GPANK1: variants seen among roughly 807,000 people sequenced by gnomAD.
GPANK1 encodes the protein G-patch domain and ankyrin repeats 1.
GPANK1 carries 22 observed loss-of-function variants against 24.0 expected under a neutral mutation model. The observed-to-expected ratio is 0.92, with a 90% CI of 0.66 to 1.31. The LOEUF is 1.31. Among genes scored for constraint, GPANK1 ranks in the 50% most tolerant of loss-of-function variants. The pLI is 0.00. For synonymous variants in GPANK1, 174 were observed against 177.4 expected (o/e 0.98, Z 0.15); for missense variants, 469 against 453.5 (o/e 1.03, Z -0.31).
upstream of GPANK1, chr6:31,665,633 G>A (rs948222034): frequency 3.1e-6 from 3 of 982,150 alleles, no homozygotes; most frequent in Non-Finnish European, 4.7e-6. Context: ...GGTCTCTGGC[G>A]GGACTGATTC....
intron 2 of GPANK1, among the ~76,000 whole-genome samples, chr6:31,663,569 T>C (rs1172355577): frequency 6.6e-6 from 1 of 152,242 alleles, no homozygotes; most frequent in Non-Finnish European, 1.5e-5. Context: ...TCTAGCATTT[T>C]ACATATATTA....
In GPANK1 at chr6:31,661,814, T is replaced by G; in HGVS notation, c.*452A>C. The G allele has an allele frequency of 5.9e-6, 1 of 168,132 alleles. No individual in the cohort carries two copies. The highest frequency in any genetic ancestry group is 1.2e-5 in the Non-Finnish European group (1 of 80,190). 10.4% of individuals were successfully genotyped at this position (168,132 alleles called of 1,614,324 possible). On this transcript the variant is annotated 3_prime_UTR_variant, in exon 3 of 3. Coordinates refer to ENST00000375896, the MANE Select transcript of GPANK1 (RefSeq NM_033177.4). ...TTGGCACATAGTATATGGACTTATG[T>G]TTGTGAAATCAGTGAATTGGCTGTA...
chr6:31,664,324 C>G lies in GPANK1; in HGVS notation c.155G>C (p.Ser52Thr). ...AFYEALIGDE[S>T]SAPDSQRSQT... ...AGATCTCTGGGAGTCAGGAGCGCTG[C>G]TCTCATCCCCAATCAGGGCCTCATA... Residue 52 changes from serine (S) to threonine (T), a missense_variant, in exon 2 of 3, where the codon AGC becomes ACC. By Grantham distance (58) the Ser-to-Thr change is moderately conservative (BLOSUM62 1). Transcript: ENST00000375896. The G allele has an allele frequency of 6.2e-7, 1 of 1,614,206 alleles. No homozygotes were observed. Among genetic ancestry groups the G allele is most frequent in the South Asian group, 1.1e-5 (1 of 91,088 alleles).
upstream of GPANK1, chr6:31,666,089 TC>T: frequency 1.1e-6 from 1 of 948,254 alleles, no homozygotes; most frequent in Non-Finnish European, 1.2e-6. Context: ...TAATTTCCAC[TC>T]CCCCCACCCC....
rs1361647647 is a variant in GPANK1, at chr6:31,664,274, T to C, written c.205A>G (p.Lys69Glu). 1 of 1,613,992 alleles carries C rather than the reference T, an allele frequency of 6.2e-7. No homozygotes were observed. Among genetic ancestry groups the C allele is most frequent in the Non-Finnish European group, 8.5e-7 (1 of 1,179,946 alleles). ...TTCATTATTCTTCTTTTCTTTCTCT[T>C]TCTTTCTCTGGCAGGTTCAGTCTGA... Reference protein sequence around the residue: ...RSQTEPARERKRKKRRIMKAP... With the variant: ...RSQTEPARERERKKRRIMKAP... Residue 69 changes from lysine to glutamate, a missense_variant, in exon 2 of 3, where the codon AAG becomes GAG. Lys to Glu is a moderately conservative substitution (Grantham distance 56). Transcript: ENST00000375896.
At chr6:31,665,917 G>A, upstream of GPANK1, 2 of 1,076,894 alleles carry the variant, frequency 1.9e-6, no homozygotes, top group East Asian at 6.6e-5. Context: ...GCCCTCCTCC[G>A]GGCCTTCGTG....
rs183171137 is a variant in GPANK1 at position 31,662,000 on chromosome 6, G to A, written c.*266C>T. 3.1e-3 allele frequency: 1,224 copies of A among 390,294 alleles called. 12 individuals carry two copies. The highest frequency in any genetic ancestry group is 3.2e-3 in the Middle Eastern group (5 of 1,546). The allele number at this position is 390,294 out of a possible 1,614,324, so 24.2% of individuals were successfully genotyped here. A position where few individuals can be genotyped will look rare whatever the true frequency, so the allele number is the denominator to read the frequency against. On this transcript the variant is annotated 3_prime_UTR_variant, in exon 3 of 3. Transcript: ENST00000375896. ...TGACCTTATCATGCCACCTGGAGAGGCTGCCCCTTCTGACTCAGGTGGGAC... is the reference window on the plus strand; with the variant it reads ...TGACCTTATCATGCCACCTGGAGAGACTGCCCCTTCTGACTCAGGTGGGAC...
upstream of GPANK1, chr6:31,666,192 TGGTCCCC>T: frequency 1.0e-6 from 1 of 992,652 alleles, no homozygotes; most frequent in Non-Finnish European, 1.2e-6. Flanking sequence ...ACCCCAGTCC[TGGTCCCC>T]GTCCAGCCGG....
At chr6:31,664,599 G>A (rs960599916) in intron 1 of GPANK1, 22 bp from the exon 2 acceptor site, 3 of 718,556 alleles carry the variant, frequency 4.2e-6, no homozygotes, top group Non-Finnish European at 6.9e-6. Flanking sequence ...AGAAAAAGTA[G>A]TCAAAAACAC....
chr6:31,666,256 G>A, upstream of GPANK1: 1 of 917,424 alleles, frequency 1.1e-6, no homozygotes, highest in Non-Finnish European at 1.3e-6. Context: ...GCTGGGAGCG[G>A]CACATGGGGT....
Position 31,662,586 on chromosome 6 carries a change from G to A in GPANK1, c.751C>T (p.Leu251Phe). 6.2e-7 allele frequency: 1 copy of A among 1,612,968 alleles called. No individual in the cohort carries two copies. The highest frequency in any genetic ancestry group is 8.5e-7 in the Non-Finnish European group (1 of 1,179,938). Residue 251 changes from leucine (L) to phenylalanine (F), a missense_variant, in exon 3 of 3, where the codon CTT becomes TTT. Coordinates refer to ENST00000375896, the MANE Select transcript of GPANK1 (RefSeq NM_033177.4). The surrounding 1 kb of genome is among the most constrained non-coding windows in gnomAD (Gnocchi z 5.5). ...SQGPQPPNLP[L>F]GVPISSPGFK... is the part of the protein sequence containing the mutation. Reference sequence around the variant, plus strand: ...CCCGGGCTGGAGATGGGCACCCCAAGTGGAAGGTTGGGAGGCTGAGGACCC... The same window carrying A: ...CCCGGGCTGGAGATGGGCACCCCAAATGGAAGGTTGGGAGGCTGAGGACCC...
At chr6:31,665,424 G>A (rs1194696513), upstream of GPANK1, 1 of 1,559,096 alleles carries the variant, frequency 6.4e-7, no homozygotes. Flanking sequence ...GGGTTCGAAG[G>A]TCACACTTAG....
chr6:31,664,665 G>A (rs1321407275), intron 1 of GPANK1, 88 bp from the exon 2 acceptor site: 1 of 585,498 alleles, frequency 1.7e-6, no homozygotes, highest in Non-Finnish European at 3.0e-6. Flanking sequence ...CTAAGGGAGA[G>A]AGACTTTGCG....
chr6:31,665,582 T>G (rs924049588), upstream of GPANK1: 8 of 1,027,918 alleles, frequency 7.8e-6, no homozygotes, highest in African/African-American at 6.9e-5. Flanking sequence ...ACCTCTCCCC[T>G]CATGAGGCAG....
rs748118791 is a variant in GPANK1 at position 31,664,493 on chromosome 6, C to G, written c.-15G>C. 6.3e-6 allele frequency: 10 copies of G among 1,592,014 alleles called. No individual in the cohort carries two copies. The highest frequency in any genetic ancestry group is 1.1e-5 in the South Asian group (1 of 89,462). Reference sequence around the variant, plus strand: ...GGCCGGGACATGGCTTTTGGGAGAACTGAGAAAATGATACCAGGCAAGGGA... The same window carrying G: ...GGCCGGGACATGGCTTTTGGGAGAAGTGAGAAAATGATACCAGGCAAGGGA... On this transcript the variant is annotated 5_prime_UTR_variant, in exon 2 of 3. Transcript: ENST00000375896.
At chr6:31,665,344 A>G, upstream of GPANK1, 1 of 1,118,892 alleles carries the variant, frequency 8.9e-7, no homozygotes, top group Non-Finnish European at 1.3e-6. Flanking sequence ...GGCGGAGGGA[A>G]ACCTGTGGAA....
chr6:31,665,116 A>G, upstream of GPANK1: 1 of 396,230 alleles, frequency 2.5e-6, no homozygotes, highest in Non-Finnish European at 4.7e-6. Flanking sequence ...GGCGTGCGCA[A>G]AGCTCCGGGT....
At position 31,662,507 on chromosome 6, in the gene GPANK1, C is replaced by T. The variant is rs1248835838; in HGVS notation, c.830G>A (p.Arg277Gln). Residue 277 changes from arginine (R) to glutamine (Q), a missense_variant, in exon 3 of 3, where the codon CGG becomes CAG. Transcript: ENST00000375896. The surrounding 1 kb of genome is among the most constrained non-coding windows in gnomAD (Gnocchi z 5.5). ...GWEPGMGLGP[R>Q]GEGRANPIPT... ...GATGGGATTGGCACGGCCCTCACCC[C>T]GGGGTCCCAGCCCCATTCCTGGCTC... 7 of 1,612,328 alleles carry T rather than the reference C, an allele frequency of 4.3e-6. No homozygotes were observed. The highest frequency in any genetic ancestry group is 1.7e-5 in the Admixed American group (1 of 59,958).
chr6:31,664,455 G>C lies in GPANK1; in HGVS notation c.24C>G (p.Thr8=). The C allele has an allele frequency of 6.2e-7, 1 of 1,613,538 alleles. No individual in the cohort carries two copies. Among genetic ancestry groups the C allele is most frequent in the Non-Finnish European group, 8.5e-7 (1 of 1,179,664 alleles). ...CGCTGGGGTCAGTGGCTGGGGTGAA[G>C]GTGATGAGCAAGGGCCGGGACATGG... MSRPLLI[T]FTPATDPSDL... is the part of the protein sequence containing the mutation. The change falls in exon 2 of 3, where the codon ACC becomes ACG. Residue 8 remains threonine, a synonymous_variant. Transcript: ENST00000375896.
Sources: allele counts gnomAD v4.1 joint callset (sites outside exome capture counted in the v4.1 genomes callset), GRCh38; gene constraint gnomAD v4.1.1; non-coding constraint Gnocchi (gnomAD v3.1); transcripts MANE v1.5; gene names NCBI Gene and HGNC (gene_info 2026-07-23, HGNC 2026-07-21).